The following LRRC4C variants were observed in gnomAD, a reference collection of about 807,000 sequenced individuals.
LRRC4C encodes the protein leucine rich repeat containing 4C, also known as leucine-rich repeat-containing protein 4C.
A neutral mutation model predicts 33.6 loss-of-function variants in LRRC4C; 5 were observed. That is an observed-to-expected ratio of 0.15 (90% CI 0.08 to 0.31). The LOEUF (loss-of-function observed/expected upper bound fraction) is 0.31, where lower values mean the gene tolerates loss of function less well. Among genes scored for constraint, LRRC4C ranks in the 10% least tolerant of loss-of-function variants. LRRC4C has a pLI of 1.00. For synonymous variants in LRRC4C, 329 were observed against 302.0 expected, an observed-to-expected ratio of 1.09 and a Z score of -0.93; for missense variants, 560 against 796.7, an observed-to-expected ratio of 0.70 and a Z score of 3.58.
chr11:40,383,551 T>C (rs771972447), intron 3 of LRRC4C, among the ~76,000 whole-genome samples: 2 of 152,218 alleles, frequency 1.3e-5, no homozygotes, highest in Non-Finnish European at 2.9e-5. Context: ...ATAGCCACTC[T>C]AATAGGTGAG....
chr11:40,156,056 TC>T (rs1858664003), intron 5 of LRRC4C, among the ~76,000 whole-genome samples: 1 of 152,122 alleles, frequency 6.6e-6, no homozygotes, highest in South Asian at 2.1e-4. Flanking sequence ...CATACGCACG[TC>T]AATAAATGTA....
chr11:40,486,830 A>G (rs1188757261), intron 3 of LRRC4C, among the ~76,000 whole-genome samples: 2 of 152,022 alleles, frequency 1.3e-5, no homozygotes, highest in African/African-American at 2.4e-5. Context: ...ATGATTGCCT[A>G]TATTGTAAAC....
intron 4 of LRRC4C, among the ~76,000 whole-genome samples, chr11:40,317,615 G>A (rs80171876): frequency 0.01 from 1,590 of 152,104 alleles, 20 homozygotes; most frequent in African/African-American, 0.036. Flanking sequence ...ATACTGAAAC[G>A]TCTCTCTGCA....
At chr11:40,433,263 CTATAT>C (rs148471335) in intron 3 of LRRC4C, among the ~76,000 whole-genome samples, 5,540 of 152,024 alleles carry the variant, frequency 0.036, 336 homozygotes, top group African/African-American at 0.13. Flanking sequence ...TTCAACTGTT[CTATAT>C]TATGTTTTGT....
At chr11:40,173,523 T>C (rs1860216941) in intron 5 of LRRC4C, among the ~76,000 whole-genome samples, 1 of 152,214 alleles carries the variant, frequency 6.6e-6, no homozygotes, top group African/African-American at 2.4e-5. Flanking sequence ...TATTGCCCTT[T>C]GTTTTGTTGG....
At chr11:40,130,113 T>TG (rs1430878380) in intron 6 of LRRC4C, among the ~76,000 whole-genome samples, 3 of 152,186 alleles carry the variant, frequency 2.0e-5, no homozygotes, top group African/African-American at 7.2e-5. Context: ...TTGAGGTGTT[T>TG]GGGGGTATGT....
intron 3 of LRRC4C, among the ~76,000 whole-genome samples, chr11:40,578,273 C>T (rs539841455): frequency 4.0e-5 from 6 of 149,906 alleles, no homozygotes; most frequent in African/African-American, 1.2e-4. Context: ...AACAGGTGAG[C>T]CCTAACACGC....
intron 5 of LRRC4C, among the ~76,000 whole-genome samples, chr11:40,207,752 G>T (rs904509077): frequency 6.6e-6 from 1 of 152,054 alleles, no homozygotes; most frequent in Non-Finnish European, 1.5e-5. Flanking sequence ...CCAAGCTCCT[G>T]GTCATCTTAG....
chr11:41,368,910 C>T (rs1952643101), intron 1 of LRRC4C, among the ~76,000 whole-genome samples: 2 of 152,130 alleles, frequency 1.3e-5, no homozygotes, highest in Admixed American at 1.3e-4. Flanking sequence ...TTATGGCTGA[C>T]CTTTCACTTC....
chr11:40,948,624 T>G (rs1958536001), intron 1 of LRRC4C, among the ~76,000 whole-genome samples: 1 of 148,424 alleles, frequency 6.7e-6, no homozygotes, highest in Admixed American at 6.8e-5. Flanking sequence ...GGTGTTTGGT[T>G]TTTTGTTCTT....
At chr11:41,451,513 T>A (rs1031833363) in intron 1 of LRRC4C, among the ~76,000 whole-genome samples, 1 of 151,878 alleles carries the variant, frequency 6.6e-6, no homozygotes, top group African/African-American at 2.4e-5. Context: ...CTTATAGTGA[T>A]GGAAGAGATG....
At chr11:40,117,015 A>G (rs1229054504) in intron 6 of LRRC4C, among the ~76,000 whole-genome samples, 2 of 152,218 alleles carry the variant, frequency 1.3e-5, no homozygotes, top group Non-Finnish European at 2.9e-5. Context: ...AATCCTTACA[A>G]CACTTCTCTG....
At chr11:40,658,351 T>C (rs1457707684) in intron 2 of LRRC4C, among the ~76,000 whole-genome samples, 1 of 152,196 alleles carries the variant, frequency 6.6e-6, no homozygotes, top group Non-Finnish European at 1.5e-5. Flanking sequence ...TAGTTAGAAA[T>C]CTCATCTTAT....
intron 3 of LRRC4C, among the ~76,000 whole-genome samples, chr11:40,495,370 G>T (rs746444651): frequency 2.2e-4 from 34 of 152,112 alleles, no homozygotes; most frequent in Non-Finnish European, 3.8e-4. Context: ...CCACATATTT[G>T]GAAATTTATA....
chr11:40,205,281 C>T (rs1863062424), intron 5 of LRRC4C, among the ~76,000 whole-genome samples: 1 of 152,170 alleles, frequency 6.6e-6, no homozygotes, highest in Non-Finnish European at 1.5e-5. Context: ...ATATAACCCA[C>T]AGATCAGGTA....
intron 5 of LRRC4C, among the ~76,000 whole-genome samples, chr11:40,154,401 C>A (rs1021852671): frequency 1.3e-5 from 2 of 151,862 alleles, no homozygotes; most frequent in African/African-American, 4.8e-5. Flanking sequence ...AAATGCTCCA[C>A]TTAAAAGATA....
chr11:40,528,372 T>C (rs1956141128), intron 3 of LRRC4C, among the ~76,000 whole-genome samples: 1 of 152,074 alleles, frequency 6.6e-6, no homozygotes, highest in Non-Finnish European at 1.5e-5. Flanking sequence ...GAGATATAAA[T>C]GGCCAATAAG....
intron 3 of LRRC4C, among the ~76,000 whole-genome samples, chr11:40,389,469 C>CAAA (rs781592054): frequency 3.3e-5 from 2 of 60,142 alleles, no homozygotes; most frequent in South Asian, 7.0e-4. Flanking sequence ...ATGTATGTCT[C>CAAA]AAAAAAAAAA....
At chr11:41,382,817 C>T (rs1451599987) in intron 1 of LRRC4C, among the ~76,000 whole-genome samples, 3 of 152,042 alleles carry the variant, frequency 2.0e-5, no homozygotes, top group African/African-American at 4.8e-5. Flanking sequence ...GGATAGAGGA[C>T]GTCTCTGGTG....
Sources: allele counts gnomAD v4.1 joint callset (sites outside exome capture counted in the v4.1 genomes callset), GRCh38; gene constraint gnomAD v4.1.1; transcripts MANE v1.5; gene names NCBI Gene and HGNC (gene_info 2026-07-23, HGNC 2026-07-21).